Variants in ZNF484 observed in about 807,000 individuals in gnomAD.
The protein encoded by ZNF484 is KRAB box containing C2H2 type zinc finger bA526D8.4.
ZNF484 carries 11 observed loss-of-function variants against 12.9 expected under a neutral mutation model. That is an observed-to-expected ratio of 0.85 (90% CI 0.54 to 1.41). The LOEUF (loss-of-function observed/expected upper bound fraction) is 1.41. Among genes scored for constraint, ZNF484 ranks in the 40% most tolerant of loss-of-function variants. The probability of loss-of-function intolerance (pLI) is 0.00; values close to 1 mark genes in which losing one functional copy is unlikely to be tolerated. For synonymous variants in ZNF484, 289 were observed against 334.1 expected (o/e 0.86, Z 1.47); for missense variants, 807 against 1,007.7 (o/e 0.80, Z 2.70).
At chr9:92,856,151 T>C in intron 3 of ZNF484, 41 bp downstream of exon 3, 1 of 1,603,578 alleles carries the variant, frequency 6.2e-7, no homozygotes, top group Non-Finnish European at 8.5e-7. Flanking sequence ...ATATACTCAA[T>C]TAGGTGCAGC....
intron 2 of ZNF484, among the ~76,000 whole-genome samples, chr9:92,860,398 C>T (rs1454124019): frequency 6.6e-6 from 1 of 151,876 alleles, no homozygotes; most frequent in Admixed American, 6.6e-5. Flanking sequence ...GTCAGGAGAT[C>T]GAGACCATCC....
chr9:92,854,068 C>T (rs1300292163), intron 4 of ZNF484, among the ~76,000 whole-genome samples: 2 of 152,078 alleles, frequency 1.3e-5, no homozygotes, highest in Admixed American at 6.5e-5. Flanking sequence ...ATGGAGGGAA[C>T]TCATGGGCTT....
At chr9:92,873,981 G>A (rs920516430) in intron 2 of ZNF484, among the ~76,000 whole-genome samples, 21 of 152,136 alleles carry the variant, frequency 1.4e-4, no homozygotes, top group Admixed American at 1.3e-4. Flanking sequence ...TGGATGCAAC[G>A]CTGGTTCAAT....
At chr9:92,874,306 CTTTCTTTT>C (rs1281567268) in intron 2 of ZNF484, among the ~76,000 whole-genome samples, 17 of 121,946 alleles carry the variant, frequency 1.4e-4, no homozygotes, top group African/African-American at 5.8e-4. Flanking sequence ...TTCTTTCTTT[CTTTCTTTT>C]TTTTTTTTTT....
intron 1 of ZNF484, among the ~76,000 whole-genome samples, chr9:92,877,435 A>G (rs113677479): frequency 0.029 from 4,127 of 143,356 alleles, 193 homozygotes; most frequent in African/African-American, 0.11. Context: ...TGGATATGAA[A>G]GAGAACAAAA....
At chr9:92,875,193 A>C in intron 1 of ZNF484, 134 bp from the exon 2 acceptor site, 1 of 646,384 alleles carries the variant, frequency 1.5e-6, no homozygotes, top group Non-Finnish European at 2.6e-6. Flanking sequence ...TTAAAATATC[A>C]TCCCATCCCA....
chr9:92,848,768 C>G lies in ZNF484; in HGVS notation c.236-217G>C, dbSNP rs569865727. Among the ~76,000 whole-genome samples, 1 of 151,584 alleles carries G rather than the reference C, an allele frequency of 6.6e-6. No individual in the cohort carries two copies. The highest frequency in any genetic ancestry group is 1.5e-5 in the Non-Finnish European group (1 of 67,924). ...TTGTCTCTACTAAAAATTAGCCAGG[C>G]GTGGTGGTACATGCCTGTAATTCCA... On this transcript the variant is annotated intron_variant, in intron 4 of 4. Transcript: ENST00000375495. The surrounding 1 kb of genome is among the most constrained non-coding windows in gnomAD (Gnocchi z 4.1).
At position 92,865,958 on chromosome 9, in the gene ZNF484, C is replaced by T. The variant is rs376641735; in HGVS notation, c.15+9057G>A. On this transcript the variant is annotated intron_variant, in intron 2 of 4. Transcript: ENST00000375495. ...AAGAAATGTTCACAAGAGCATATTT[C>T]GTAATGCATTTTATATTTCTCCATA... is the stretch of plus-strand genomic sequence containing the variant. Among the ~76,000 whole-genome samples, 10 of 152,182 alleles carry T rather than the reference C, an allele frequency of 6.6e-5. No homozygotes were observed. The South Asian group carries it at 1.2e-3, about 19-fold the overall frequency.
Position 92,847,732 on chromosome 9 carries a change from C to T in ZNF484, c.1055G>A (p.Gly352Glu). 1 of 1,613,778 alleles carries T rather than the reference C, an allele frequency of 6.2e-7. No individual in the cohort carries two copies. The highest frequency in any genetic ancestry group is 8.5e-7 in the Non-Finnish European group (1 of 1,180,032). Residue 352 changes from glycine to glutamate, a missense_variant, in exon 5 of 5, where the codon GGA (glycine) becomes GAA (glutamate). Transcript: ENST00000375495. The stretch of plus-strand genomic sequence containing the variant: ...TTCACTGTACTCATAAGGTTTTTCT[C>T]CAGAATGAATTCTCTGGCATCTGAA... ...DLFRCQRIHS[G>E]EKPYEYSECE...
intron 1 of ZNF484, among the ~76,000 whole-genome samples, chr9:92,877,418 A>G (rs1857886331): frequency 1.3e-5 from 2 of 151,926 alleles, no homozygotes; most frequent in African/African-American, 4.9e-5. Flanking sequence ...TAAAGGAGCT[A>G]CTAGTCTGGA....
At chr9:92,854,704 GAA>G (rs1406397404) in intron 4 of ZNF484, among the ~76,000 whole-genome samples, 1 of 152,086 alleles carries the variant, frequency 6.6e-6, no homozygotes, top group East Asian at 1.9e-4. Context: ...GGGACAGAGC[GAA>G]ACTCCATCTC....
At chr9:92,867,781 A>T (rs1857196820) in intron 2 of ZNF484, among the ~76,000 whole-genome samples, 2 of 152,324 alleles carry the variant, frequency 1.3e-5, no homozygotes, top group Non-Finnish European at 1.5e-5. Flanking sequence ...TCTCTGGCTG[A>T]TTTTAATCCA....
At chr9:92,850,501 T>A (rs1856001079) in intron 4 of ZNF484, among the ~76,000 whole-genome samples, 1 of 152,176 alleles carries the variant, frequency 6.6e-6, no homozygotes, top group Non-Finnish European at 1.5e-5. Flanking sequence ...AACAGAAAAA[T>A]TTATATACAT....
chr9:92,862,138 AC>A, intron 2 of ZNF484: 2 of 974,572 alleles, frequency 2.1e-6, no homozygotes, highest in Non-Finnish European at 2.4e-6. Context: ...CTGAGGAATT[AC>A]CTGCCATTGG....
chr9:92,853,271 A>G (rs975614628), intron 4 of ZNF484, among the ~76,000 whole-genome samples: 1 of 152,250 alleles, frequency 6.6e-6, no homozygotes, highest in Non-Finnish European at 1.5e-5. Flanking sequence ...GAGAAAAATA[A>G]GTAGAAAAGC....
chr9:92,856,639 A>C (rs1367305192), intron 2 of ZNF484, among the ~76,000 whole-genome samples: 1 of 152,208 alleles, frequency 6.6e-6, no homozygotes, highest in Non-Finnish European at 1.5e-5. Context: ...ATTACCTCAC[A>C]CCCATCTGGA....
At chr9:92,849,595 G>A (rs1855936162) in intron 4 of ZNF484, among the ~76,000 whole-genome samples, 1 of 152,076 alleles carries the variant, frequency 6.6e-6, no homozygotes, top group African/African-American at 2.4e-5. Context: ...AGACCAGCCT[G>A]GGAAACATAG....
chr9:92,870,856 G>T (rs905926442), intron 2 of ZNF484, among the ~76,000 whole-genome samples: 1 of 152,166 alleles, frequency 6.6e-6, no homozygotes, highest in African/African-American at 2.4e-5. Flanking sequence ...GCAGTAATGA[G>T]GTGTCTCTCT....
chr9:92,866,425 T>C (rs972978754), intron 2 of ZNF484, among the ~76,000 whole-genome samples: 3 of 152,064 alleles, frequency 2.0e-5, no homozygotes, highest in Admixed American at 6.5e-5. Flanking sequence ...GAAATACAAA[T>C]CAAAACCACA....
Sources: gnomAD v4.1 joint callset for allele counts (sites outside exome capture counted in the v4.1 genomes callset) on GRCh38, gnomAD v4.1.1 for gene constraint, Gnocchi (gnomAD v3.1) non-coding constraint, MANE v1.5 for transcripts, NCBI Gene and HGNC (gene_info 2026-07-23, HGNC 2026-07-21) for gene names.